LVRN: variants seen among roughly 807,000 people sequenced by gnomAD.
LVRN encodes laeverin.
Under a neutral mutation model 111.4 loss-of-function variants are expected in LVRN, and 99 were observed. That is an observed-to-expected ratio of 0.89 (90% confidence interval 0.76 to 1.05). The LOEUF is 1.05. Among genes scored for constraint, LVRN ranks in the 50% least tolerant of loss-of-function variants. LVRN has a pLI of 0.00. For missense variants in LVRN, 1,414 were observed against 1,206.8 expected (o/e 1.17, Z -2.54); for synonymous variants, 488 against 449.5 (o/e 1.09, Z -1.08).
rs144795752 is a variant in LVRN, at chr5:115,973,531, G to A, written c.696-9756G>A. 3.9e-3 allele frequency among the ~76,000 whole-genome samples: 591 copies of A among 152,154 alleles called. 1 individual carries two copies. The highest frequency in any genetic ancestry group is 0.014 in the African/African-American group (561 of 41,530). On this transcript the variant is annotated intron_variant, in intron 1 of 19. Transcript: ENST00000357872. The stretch of plus-strand genomic sequence containing the variant: ...GAATTTCACCCATGAGGCTCTCTGG[G>A]CCTAGAAATTCTTTGTGGGATGGTT...
chr5:116,011,036 T>TATA (rs1748479800), intron 14 of LVRN, 142 bp downstream of exon 14: 2 of 165,604 alleles, frequency 1.2e-5, no homozygotes, highest in Admixed American at 1.2e-4. Flanking sequence ...TGGAAGTATA[T>TATA]ACATTTCCTT....
chr5:116,011,552 C>G (rs1022484314), intron 14 of LVRN, among the ~76,000 whole-genome samples: 4 of 152,032 alleles, frequency 2.6e-5, no homozygotes, highest in Non-Finnish European at 4.4e-5. Context: ...GTCACACAAA[C>G]CAAAAAGTAT....
In LVRN at chr5:115,992,085, A is replaced by G. The variant is rs192124891; in HGVS notation, c.1106-38A>G. 5.2e-6 allele frequency: 8 copies of G among 1,541,018 alleles called. No homozygotes were observed. In the Admixed American group the frequency reaches 1.1e-4, roughly 21 times the overall value. On this transcript the variant is annotated intron_variant, in intron 4 of 19. Transcript: ENST00000357872. ...TTTAAAAAATCCCATTTTTTGGAAA[A>G]GATTATTTTATTTTCTCCTCCATTT...
intron 18 of LVRN, among the ~76,000 whole-genome samples, chr5:116,020,327 G>A (rs1748697092): frequency 6.6e-6 from 1 of 152,152 alleles, no homozygotes; most frequent in African/African-American, 2.4e-5. Flanking sequence ...TAGTGATGAA[G>A]CAATAGTATT....
At chr5:115,985,428 T>A (rs185832347) in intron 3 of LVRN, among the ~76,000 whole-genome samples, 2 of 152,092 alleles carry the variant, frequency 1.3e-5, no homozygotes, top group Admixed American at 6.6e-5. Flanking sequence ...AAAGCATACG[T>A]GCCCCGGAAG....
At chr5:115,972,562 T>A (rs183574155) in intron 1 of LVRN, among the ~76,000 whole-genome samples, 32 of 152,160 alleles carry the variant, frequency 2.1e-4, no homozygotes, top group African/African-American at 7.7e-4. Flanking sequence ...ACTTCTACTT[T>A]AGTTTCAACG....
At chr5:115,965,349 G>C (rs972049704) in intron 1 of LVRN, among the ~76,000 whole-genome samples, 1 of 152,134 alleles carries the variant, frequency 6.6e-6, no homozygotes, top group Non-Finnish European at 1.5e-5. Flanking sequence ...GGTGATAAGA[G>C]TTCTGGAGAT....
Position 115,963,454 on chromosome 5 carries a change from TTTTA to T in LVRN, c.695+154_695+157del. ...CCCCTTGCGACGTTTTCTTTTTTCTTTTTATTTATTTATTTTATTATACTTTAAG... is the reference window on the plus strand; with the variant it reads ...CCCCTTGCGACGTTTTCTTTTTTCTTTTTATTTATTTTATTATACTTTAAG... On this transcript the variant is annotated intron_variant, in intron 1 of 19. Coordinates refer to ENST00000357872, the MANE Select transcript of LVRN (RefSeq NM_173800.5). The T allele has an allele frequency of 5.1e-6, 3 of 589,922 alleles. No individual in the cohort carries two copies. In the Admixed American group the frequency reaches 1.1e-4, roughly 21 times the overall value. The allele number at this position is 589,922 out of a possible 1,614,324, so 36.5% of individuals were successfully genotyped here.
At position 115,972,545 on chromosome 5, in the gene LVRN, C is replaced by A. The variant is rs74647496; in HGVS notation, c.695+9233C>A. Reference sequence around the variant, plus strand: ...GTTGTCATACTGTCTTGAATAAAGACAGTTTTACTTCTACTTTAGTTTCAA... The same window carrying A: ...GTTGTCATACTGTCTTGAATAAAGAAAGTTTTACTTCTACTTTAGTTTCAA... On this transcript the variant is annotated intron_variant, in intron 1 of 19. Coordinates refer to ENST00000357872, the MANE Select transcript of LVRN (RefSeq NM_173800.5). Among the ~76,000 whole-genome samples the A allele has an allele frequency of 9.4e-3, 1,433 of 151,902 alleles. 24 individuals carry two copies. Among genetic ancestry groups the A allele is most frequent in the African/African-American group, 0.033 (1,381 of 41,418 alleles).
intron 14 of LVRN, 128 bp from the exon 15 acceptor site, chr5:116,012,244 TAA>T: frequency 1.7e-6 from 1 of 598,224 alleles, no homozygotes; most frequent in Non-Finnish European, 3.1e-6. Flanking sequence ...TAGTAACAGA[TAA>T]AGGTAATTTC....
At chr5:115,997,811 A>C (rs556457421) in intron 6 of LVRN, among the ~76,000 whole-genome samples, 4 of 152,326 alleles carry the variant, frequency 2.6e-5, no homozygotes, top group Admixed American at 6.5e-5. Flanking sequence ...TGTTTTATGT[A>C]GTGTTTCCCT....
At position 116,022,462 on chromosome 5, in the gene LVRN, T is replaced by A. The variant is rs1205419967; in HGVS notation, c.2828T>A (p.Val943Glu). 6.5e-7 allele frequency: 1 copy of A among 1,539,354 alleles called. No individual in the cohort carries two copies. The highest frequency in any genetic ancestry group is 8.9e-7 in the Non-Finnish European group (1 of 1,128,564). ...ACCGTAACTACAGATTTACAGATTG[T>A]GGAGGTAAGTACTTTAAATATTATG... ...GRTVTTDLQIVELQQFFSNML... is the reference protein window; with the variant it reads ...GRTVTTDLQIEELQQFFSNML... The change falls in exon 19 of 20, where the codon GTG becomes GAG. Residue 943 changes from valine to glutamate, a missense_variant. By Grantham distance (121) the Val-to-Glu change is moderately radical. Coordinates refer to ENST00000357872, the MANE Select transcript of LVRN (RefSeq NM_173800.5).
chr5:116,009,918 G>A (rs1303875663), intron 13 of LVRN, among the ~76,000 whole-genome samples: 2 of 152,198 alleles, frequency 1.3e-5, no homozygotes, highest in Non-Finnish European at 2.9e-5. Context: ...GGATGTGTGA[G>A]GGGATTGACT....
chr5:116,015,252 A>T lies in LVRN; in HGVS notation c.2451A>T (p.Glu817Asp). The T allele has an allele frequency of 6.3e-7, 1 of 1,576,472 alleles. No homozygotes were observed. Among genetic ancestry groups the T allele is most frequent in the Non-Finnish European group, 8.6e-7 (1 of 1,163,492 alleles). ...FAKWVDHPEN[E>D]IPYPIKDVVL... is the part of the protein sequence containing the mutation. ...TATCATTTTATGTTATATTTTACAG[A>T]ATACCTTATCCAATTAAAGATGTGG... The change falls in exon 17 of 20, where the codon GAA (glutamate) becomes GAT (aspartate). Residue 817 changes from glutamate (E) to aspartate (D), a missense_variant and splice_region_variant. Transcript: ENST00000357872.
At chr5:115,972,953 G>T (rs1417349114) in intron 1 of LVRN, among the ~76,000 whole-genome samples, 1 of 150,916 alleles carries the variant, frequency 6.6e-6, no homozygotes, top group Admixed American at 6.6e-5. Context: ...TTCCAGACAG[G>T]GTCTCACTTC....
chr5:116,008,081 C>T (rs536124303), intron 13 of LVRN, among the ~76,000 whole-genome samples: 85 of 152,292 alleles, frequency 5.6e-4, no homozygotes, highest in Middle Eastern at 3.4e-3. Context: ...GTGGCTCATG[C>T]CTGTAATCCC....
At chr5:115,992,008 T>C in intron 4 of LVRN, 115 bp from the exon 5 acceptor site, 5 of 992,296 alleles carry the variant, frequency 5.0e-6, no homozygotes, top group Non-Finnish European at 7.3e-6. Context: ...CCGTTCAGGT[T>C]ATAAATATTC....
intron 1 of LVRN, among the ~76,000 whole-genome samples, chr5:115,969,278 CT>C (rs149862353): frequency 2.8e-4 from 42 of 151,658 alleles, no homozygotes; most frequent in African/African-American, 9.4e-4. Flanking sequence ...TTTTTTTTTC[CT>C]GTTTTGTACT....
intron 18 of LVRN, among the ~76,000 whole-genome samples, chr5:116,017,529 C>T (rs1271167342): frequency 6.6e-6 from 1 of 152,066 alleles, no homozygotes; most frequent in Non-Finnish European, 1.5e-5. Context: ...CATTACTGTC[C>T]TTTGTCCTTT....
Sources: gnomAD v4.1 joint callset for allele counts (sites outside exome capture counted in the v4.1 genomes callset) on GRCh38, gnomAD v4.1.1 for gene constraint, MANE v1.5 for transcripts, NCBI Gene and HGNC (gene_info 2026-07-23, HGNC 2026-07-21) for gene names.